The following CADM1 variants were observed in gnomAD, a reference collection of about 807,000 sequenced individuals.
CADM1 encodes TSLC-1.
A neutral mutation model predicts 53.1 loss-of-function variants in CADM1; 15 were observed. The ratio of observed to expected loss-of-function variants is 0.28; its 90% CI spans 0.19 to 0.44. The LOEUF (loss-of-function observed/expected upper bound fraction) is 0.44. Among genes scored for constraint, CADM1 ranks in the 20% least tolerant of loss-of-function variants. The pLI is 1.00. For missense variants in CADM1, 434 were observed against 611.3 expected, an observed-to-expected ratio of 0.71 and a Z score of 3.06; for synonymous variants, 281 against 243.0, an observed-to-expected ratio of 1.16 and a Z score of -1.45.
chr11:115,286,045 G>A (rs1943720705), intron 1 of CADM1, among the ~76,000 whole-genome samples: 1 of 152,224 alleles, frequency 6.6e-6, no homozygotes. Flanking sequence ...CCTGTCAATC[G>A]TAAAAGCATA....
chr11:115,425,856 G>C (rs186923751), intron 1 of CADM1, among the ~76,000 whole-genome samples: 14 of 152,288 alleles, frequency 9.2e-5, no homozygotes, highest in East Asian at 3.9e-4. Context: ...ACTGCTTTAC[G>C]TGACCATGAA....
chr11:115,201,286 T>C (rs1021562402), intron 8 of CADM1, among the ~76,000 whole-genome samples: 1 of 152,148 alleles, frequency 6.6e-6, no homozygotes. Flanking sequence ...ACTGACTCCA[T>C]TTCTCTAAGA....
intron 3 of CADM1, among the ~76,000 whole-genome samples, chr11:115,236,249 T>G (rs907341366): frequency 6.6e-6 from 1 of 152,202 alleles, no homozygotes; most frequent in South Asian, 2.1e-4. Context: ...TCTTCATTCA[T>G]TGTAATATCT....
rs1938931048 is a variant in CADM1 at position 115,174,538 on chromosome 11, G to A, written c.*1936C>T. On this transcript the variant is annotated 3_prime_UTR_variant, in exon 12 of 12. Transcript: ENST00000331581. The stretch of plus-strand genomic sequence containing the variant: ...ATAATGGATTTTCTTTTACATACCA[G>A]TCCGTTCCCAAAAGGCCCCCATATT... The A allele has an allele frequency of 3.0e-6, 3 of 985,520 alleles. No individual in the cohort carries two copies. The highest frequency in any genetic ancestry group is 1.2e-4 in the Admixed American group (2 of 16,246). The allele number at this position is 985,520 out of a possible 1,614,324, so 61.0% of individuals were successfully genotyped here.
chr11:115,403,971 GTA>G (rs1947231173), intron 1 of CADM1, among the ~76,000 whole-genome samples: 1 of 151,324 alleles, frequency 6.6e-6, no homozygotes, highest in African/African-American at 2.4e-5. Context: ...AAAAAAAAAA[GTA>G]TTTTTTTATG....
chr11:115,256,660 T>A (rs1337431090), intron 1 of CADM1, among the ~76,000 whole-genome samples: 1 of 152,230 alleles, frequency 6.6e-6, no homozygotes, highest in Non-Finnish European at 1.5e-5. Flanking sequence ...TCCAGTAAAC[T>A]TTTTTTCTGG....
Position 115,381,922 on chromosome 11 carries a change from T to G in CADM1, c.124+122349A>C, listed in dbSNP as rs527549582. 4.6e-5 allele frequency among the ~76,000 whole-genome samples: 7 copies of G among 152,274 alleles called. No homozygotes were observed. In the East Asian group the frequency reaches 1.4e-3, roughly 29 times the overall value. ...GTGCAGTGGCCCGATCTCGGCTCAC[T>G]GCAACCTCTGCCTCCCGGGTTCAAG... On this transcript the variant is annotated intron_variant, in intron 1 of 11. Coordinates refer to ENST00000331581, the MANE Select transcript of CADM1 (RefSeq NM_001301043.2).
chr11:115,210,407 C>T (rs1282448835), intron 7 of CADM1, among the ~76,000 whole-genome samples: 2 of 152,086 alleles, frequency 1.3e-5, no homozygotes, highest in African/African-American at 2.4e-5. Flanking sequence ...AAATGAGACT[C>T]GACCTTCAAA....
intron 9 of CADM1, among the ~76,000 whole-genome samples, chr11:115,194,595 A>C (rs1940059410): frequency 6.6e-6 from 1 of 152,208 alleles, no homozygotes; most frequent in Non-Finnish European, 1.5e-5. Context: ...ATCAGCCTCT[A>C]CTGTATTAAG....
intron 1 of CADM1, among the ~76,000 whole-genome samples, chr11:115,404,327 GAAA>G (rs1216372271): frequency 1.2e-3 from 7 of 5,826 alleles, no homozygotes; most frequent in African/African-American, 3.2e-3. Flanking sequence ...ATCTGTCTCG[GAAA>G]AAAAAAAAAA....
chr11:115,194,356 G>C (rs981171692), intron 9 of CADM1, among the ~76,000 whole-genome samples: 1 of 152,178 alleles, frequency 6.6e-6, no homozygotes, highest in African/African-American at 2.4e-5. Flanking sequence ...ACCATGGTTT[G>C]CATTATTTAT....
At chr11:115,478,734 T>C (rs1387200424) in intron 1 of CADM1, among the ~76,000 whole-genome samples, 1 of 152,156 alleles carries the variant, frequency 6.6e-6, no homozygotes, top group Non-Finnish European at 1.5e-5. Context: ...ATATGCCAAT[T>C]AGATAGTATG....
intron 1 of CADM1, among the ~76,000 whole-genome samples, chr11:115,437,648 C>T (rs554980640): frequency 7.2e-5 from 11 of 152,316 alleles, no homozygotes; most frequent in Non-Finnish European, 1.5e-4. Context: ...AAACATTTGA[C>T]TCCCAAATCT....
At chr11:115,392,565 A>C (rs1946863307) in intron 1 of CADM1, among the ~76,000 whole-genome samples, 2 of 152,220 alleles carry the variant, frequency 1.3e-5, no homozygotes, top group Non-Finnish European at 2.9e-5. Context: ...CCAAATGGTT[A>C]ATAAACTTTT....
chr11:115,318,612 T>G (rs954373634), intron 1 of CADM1, among the ~76,000 whole-genome samples: 1 of 152,170 alleles, frequency 6.6e-6, no homozygotes, highest in Non-Finnish European at 1.5e-5. Flanking sequence ...GGAGTTTGGA[T>G]GTGATCTTGT....
chr11:115,364,010 T>C (rs1024342492), intron 1 of CADM1, among the ~76,000 whole-genome samples: 21 of 152,010 alleles, frequency 1.4e-4, no homozygotes, highest in African/African-American at 5.1e-4. Flanking sequence ...TGTCATAGGC[T>C]ACACCATTTA....
At chr11:115,377,145 C>T (rs1305308254) in intron 1 of CADM1, 1 of 152,060 alleles carries the variant, frequency 6.6e-6, no homozygotes, top group Non-Finnish European at 1.5e-5. Flanking sequence ...TCAGAGTTGT[C>T]CTTTGAAGTC....
At chr11:115,435,679 G>A (rs891400213) in intron 1 of CADM1, among the ~76,000 whole-genome samples, 7 of 152,176 alleles carry the variant, frequency 4.6e-5, no homozygotes, top group African/African-American at 1.4e-4. Context: ...GTTGCAGTGA[G>A]CCAAGTGCAC....
chr11:115,237,868 A>C (rs1271277150), intron 3 of CADM1, among the ~76,000 whole-genome samples: 1 of 152,228 alleles, frequency 6.6e-6, no homozygotes, highest in Non-Finnish European at 1.5e-5. Context: ...GAAGACACTC[A>C]GCTCACTGGA....
Sources: gnomAD v4.1 joint callset for allele counts (sites outside exome capture counted in the v4.1 genomes callset) on GRCh38, gnomAD v4.1.1 for gene constraint, MANE v1.5 for transcripts, NCBI Gene and HGNC (gene_info 2026-07-23, HGNC 2026-07-21) for gene names.